Variants in NPL observed in about 807,000 individuals in gnomAD.
NPL encodes N-acetylneuraminate lyase.
A neutral mutation model predicts 41.1 loss-of-function variants in NPL; 32 were observed. That is an observed-to-expected ratio of 0.78 (90% CI 0.59 to 1.05). The LOEUF (loss-of-function observed/expected upper bound fraction) is 1.05. Ranked by LOEUF, NPL falls within the 50% of genes least tolerant of loss-of-function variation. NPL has a pLI of 0.00. For missense variants in NPL, 321 were observed against 378.4 expected, an observed-to-expected ratio of 0.85 and a Z score of 1.26; for synonymous variants, 128 against 134.9, an observed-to-expected ratio of 0.95 and a Z score of 0.35.
intron 1 of NPL, among the ~76,000 whole-genome samples, chr1:182,790,577 A>C (rs540978273): frequency 2.0e-5 from 3 of 152,294 alleles, no homozygotes; most frequent in African/African-American, 7.2e-5. Flanking sequence ...TAAAAACTTG[A>C]ATCTTAAAAA....
chr1:182,829,106 CTCAG>C lies in NPL; in HGVS notation c.*202_*205del, dbSNP rs1265624148. The C allele has an allele frequency of 1.4e-6, 2 of 1,398,112 alleles. No individual in the cohort carries two copies. The highest frequency in any genetic ancestry group is 3.2e-5 in the Admixed American group (1 of 31,476). 86.6% of individuals were successfully genotyped at this position (1,398,112 alleles called of 1,614,324 possible). ...GGCAAAAACTCTAGGAGTCACAACT[CTCAG>C]TCATTCATTTCACAGATTTTTTTGT... is the stretch of plus-strand genomic sequence containing the variant. On this transcript the variant is annotated 3_prime_UTR_variant, in exon 13 of 13. Coordinates refer to ENST00000367553, the MANE Select transcript of NPL (RefSeq NM_030769.3).
At chr1:182,818,094 G>A (rs1202484264) in intron 8 of NPL, among the ~76,000 whole-genome samples, 1 of 152,144 alleles carries the variant, frequency 6.6e-6, no homozygotes, top group African/African-American at 2.4e-5. Context: ...GAACTTCATA[G>A]CATACAGAAA....
intron 11 of NPL, among the ~76,000 whole-genome samples, chr1:182,823,348 CA>C (rs1020876571): frequency 6.6e-6 from 1 of 152,146 alleles, no homozygotes; most frequent in Non-Finnish European, 1.5e-5. Context: ...CCTGCAGCCC[CA>C]ACCCAAAGAC....
chr1:182,804,509 G>A (rs1666948490), intron 4 of NPL, among the ~76,000 whole-genome samples: 1 of 152,198 alleles, frequency 6.6e-6, no homozygotes, highest in Non-Finnish European at 1.5e-5. Context: ...TCTAAGTGTA[G>A]CACACAAAGA....
rs541298596 is a variant in NPL, at chr1:182,827,939, C to G, written c.779-785C>G. Among the ~76,000 whole-genome samples, 6 of 152,316 alleles carry G rather than the reference C, an allele frequency of 3.9e-5. No individual in the cohort carries two copies. In the South Asian group the frequency reaches 1.0e-3, roughly 26 times the overall value. On this transcript the variant is annotated intron_variant, in intron 12 of 12. Transcript: ENST00000367553. ...CTAGGACACTGTAGTTCCACCAGTT[C>G]TAACCAGTCTTTCGGTTAATTTTTT...
intron 6 of NPL, 96 bp from the exon 7 acceptor site, chr1:182,814,687 C>A (rs1667272887): frequency 1.9e-6 from 2 of 1,027,928 alleles, no homozygotes; most frequent in Non-Finnish European, 3.0e-6. Context: ...CATCAGTTAG[C>A]AAATTTGAAG....
rs183239338 is a variant in NPL, at chr1:182,806,448, C to G, written c.230+216C>G. Reference sequence around the variant, plus strand: ...GCAGCCAAACTGCTAGACACACCTGCCACCCAGAGGTTCCGCTGGGAAACT... The same window carrying G: ...GCAGCCAAACTGCTAGACACACCTGGCACCCAGAGGTTCCGCTGGGAAACT... On this transcript the variant is annotated intron_variant, in intron 5 of 12. Transcript: ENST00000367553. 201 of 1,536,770 alleles carry G rather than the reference C, an allele frequency of 1.3e-4. No homozygotes were observed. The East Asian group carries it at 4.5e-3, about 35-fold the overall frequency.
Position 182,794,340 on chromosome 1 carries a change from A to G in NPL, c.-16-16A>G, listed in dbSNP as rs1265075934. On this transcript the variant is annotated splice_polypyrimidine_tract_variant and intron_variant, in intron 2 of 12. Transcript: ENST00000367553. ...TTCCTTGAAGAAAGAGAGAAATTACATTGTATGTTTTCCAGACCTACCAGC... is the reference window on the plus strand; with the variant it reads ...TTCCTTGAAGAAAGAGAGAAATTACGTTGTATGTTTTCCAGACCTACCAGC... 1.3e-5 allele frequency: 21 copies of G among 1,603,166 alleles called. No individual in the cohort carries two copies. In the Admixed American group the frequency reaches 1.5e-4, roughly 11 times the overall value.
At chr1:182,796,905 C>T (rs1187755241) in intron 3 of NPL, among the ~76,000 whole-genome samples, 1 of 151,942 alleles carries the variant, frequency 6.6e-6, no homozygotes, top group African/African-American at 2.4e-5. Context: ...CGTGGTGGCG[C>T]ACACCTGTAG....
chr1:182,823,920 TTC>T (rs1298171628), intron 11 of NPL, among the ~76,000 whole-genome samples: 5 of 152,238 alleles, frequency 3.3e-5, no homozygotes, highest in African/African-American at 1.2e-4. Context: ...TTTTACCACA[TTC>T]TCTGTTTCTT....
rs1365153243 is a variant in NPL at position 182,829,641 on chromosome 1, C to T, written c.*733C>T. On this transcript the variant is annotated 3_prime_UTR_variant, in exon 13 of 13. Transcript: ENST00000367553. ...CAAAGTTTCAAAGAACCAAAGGACT[C>T]TTCCTCTGGGCACCACAAACTTCCC... 1 of 1,549,850 alleles carries T rather than the reference C, an allele frequency of 6.5e-7. No homozygotes were observed. Among genetic ancestry groups the T allele is most frequent in the Non-Finnish European group, 8.7e-7 (1 of 1,146,060 alleles).
intron 3 of NPL, among the ~76,000 whole-genome samples, chr1:182,802,254 T>C (rs1666868553): frequency 6.6e-6 from 1 of 152,226 alleles, no homozygotes; most frequent in Non-Finnish European, 1.5e-5. Flanking sequence ...CTTATAGGCT[T>C]TATAATTGCA....
At chr1:182,796,166 C>CAAAAAAAAA (rs11419574) in intron 3 of NPL, among the ~76,000 whole-genome samples, 31 of 103,220 alleles carry the variant, frequency 3.0e-4, no homozygotes, top group African/African-American at 7.9e-4. Flanking sequence ...GGTGTGAAAT[C>CAAAAAAAAA]AAAAAAAAAA....
intron 3 of NPL, among the ~76,000 whole-genome samples, chr1:182,802,418 G>A (rs971045347): frequency 5.3e-5 from 8 of 151,774 alleles, no homozygotes; most frequent in African/African-American, 1.7e-4. Flanking sequence ...TTGTTCTTAT[G>A]CCTTTTGACA....
At chr1:182,796,392 A>G (rs1329619636) in intron 3 of NPL, among the ~76,000 whole-genome samples, 2 of 152,032 alleles carry the variant, frequency 1.3e-5, no homozygotes, top group Non-Finnish European at 2.9e-5. Flanking sequence ...CACTTCTGGC[A>G]TGTTTCTAAG....
chr1:182,824,414 A>G (rs1455553009), intron 11 of NPL, among the ~76,000 whole-genome samples: 1 of 152,232 alleles, frequency 6.6e-6, no homozygotes, highest in African/African-American at 2.4e-5. Context: ...TATTTCTAGT[A>G]TACAGTCAGT....
At chr1:182,812,869 C>T (rs1667215066) in intron 6 of NPL, among the ~76,000 whole-genome samples, 1 of 151,908 alleles carries the variant, frequency 6.6e-6, no homozygotes, top group South Asian at 2.1e-4. Context: ...TGTGGTGATT[C>T]TGAGGCCTGG....
Position 182,790,859 on chromosome 1 carries a change from T to C in NPL, c.-72+1054T>C, listed in dbSNP as rs557003236. Among the ~76,000 whole-genome samples the C allele has an allele frequency of 4.4e-4, 67 of 152,288 alleles. No homozygotes were observed. The East Asian group carries it at 0.012, about 26-fold the overall frequency. On this transcript the variant is annotated intron_variant, in intron 1 of 12. Transcript: ENST00000367553. ...GGTTTGGCCATGTTGGCCAGGCTGG[T>C]CTCGAACTCCTGACCTCAGGTGATC...
At chr1:182,798,101 C>T (rs1415971686) in intron 3 of NPL, among the ~76,000 whole-genome samples, 1 of 152,156 alleles carries the variant, frequency 6.6e-6, no homozygotes, top group Non-Finnish European at 1.5e-5. Flanking sequence ...GTATCTCTGT[C>T]CTGGCAGTTG....
Sources: gnomAD v4.1 joint callset for allele counts (sites outside exome capture counted in the v4.1 genomes callset) on GRCh38, gnomAD v4.1.1 for gene constraint, MANE v1.5 for transcripts, NCBI Gene and HGNC (gene_info 2026-07-23, HGNC 2026-07-21) for gene names.